LONRF3: variants seen among roughly 807,000 people sequenced by gnomAD.
LONRF3 encodes LON peptidase N-terminal domain and ring finger 3, also known as LON peptidase N-terminal domain and RING finger protein 3.
Under a neutral mutation model 51.7 loss-of-function variants are expected in LONRF3, and 19 were observed. The observed-to-expected ratio is 0.37, with a 90% CI of 0.26 to 0.54. The LOEUF (loss-of-function observed/expected upper bound fraction) is 0.54, where lower values mean the gene tolerates loss of function less well. Among genes scored for constraint, LONRF3 ranks in the 20% least tolerant of loss-of-function variants. The pLI is 0.86. For missense variants in LONRF3, 521 were observed against 623.9 expected (o/e 0.84, Z 1.76); for synonymous variants, 265 against 257.8 (o/e 1.03, Z -0.27).
intron 1 of LONRF3, among the ~76,000 whole-genome samples, 198 bp downstream of exon 1, chrX:118,975,795 G>A (rs1921989141): frequency 9.1e-6 from 1 of 109,987 alleles, no homozygotes; most frequent in Non-Finnish European, 1.9e-5. Flanking sequence ...GCTTATCTGT[G>A]TTTCACTGTG....
rs61733808 is a variant in LONRF3, at chrX:119,014,307, G to A, written c.2075G>A (p.Arg692Gln). Residue 692 changes from arginine (R) to glutamine (Q), a missense_variant, in exon 10 of 11, where the codon CGG becomes CAG. Physicochemically the swap from Arg to Gln is conservative, Grantham distance 43 (BLOSUM62 1). This residue lies in a region of LONRF3 where 145 missense variants were observed against 247.2 expected (regional missense o/e 0.59). Transcript: ENST00000371628. Reference sequence around the variant, plus strand: ...TCGCTCAAATTATCCCTAAAGAATCGGATACTCAATCACTTTGGTCCCATG... The same window carrying A: ...TCGCTCAAATTATCCCTAAAGAATCAGATACTCAATCACTTTGGTCCCATG... ...FHSLKLSLKN[R>Q]ILNHFGPMPE... 9 of 1,208,840 alleles carry A rather than the reference G, an allele frequency of 7.4e-6. No individual in the cohort carries two copies. The highest frequency in any genetic ancestry group is 2.3e-4 in the Middle Eastern group (1 of 4,374).
At chrX:119,007,979 C>A (rs1924847290) in intron 6 of LONRF3, among the ~76,000 whole-genome samples, 3 of 111,913 alleles carry the variant, frequency 2.7e-5, no homozygotes. Flanking sequence ...TTAGTATCAG[C>A]AGAGGAGTCA....
chrX:119,016,043 G>A (rs1925425934), intron 10 of LONRF3, among the ~76,000 whole-genome samples: 1 of 112,171 alleles, frequency 8.9e-6, no homozygotes, highest in South Asian at 3.7e-4. Context: ...AAAAAAGAAT[G>A]CAAATGAAGT....
At chrX:118,994,409 T>A (rs989060041) in intron 5 of LONRF3, among the ~76,000 whole-genome samples, 1 of 37,772 alleles carries the variant, frequency 2.6e-5, no homozygotes, top group East Asian at 4.4e-4. Flanking sequence ...ACAAAACAAA[T>A]TTTTTTTTTT....
chrX:119,003,862 CTGT>C (rs1465111290), intron 5 of LONRF3, among the ~76,000 whole-genome samples: 1 of 112,380 alleles, frequency 8.9e-6, no homozygotes, highest in East Asian at 2.8e-4. Flanking sequence ...TCTCCTACAA[CTGT>C]TGTTAGATTT....
intron 10 of LONRF3, among the ~76,000 whole-genome samples, chrX:119,017,109 G>C (rs1925515777): frequency 1.8e-5 from 2 of 111,648 alleles, no homozygotes; most frequent in Admixed American, 9.5e-5. Flanking sequence ...AGGCACCCAG[G>C]CTCCTTCATC....
chrX:118,977,823 A>AT (rs1922204440), intron 1 of LONRF3, among the ~76,000 whole-genome samples: 1 of 111,990 alleles, frequency 8.9e-6, no homozygotes, highest in South Asian at 3.7e-4. Flanking sequence ...ATGTAAATGT[A>AT]TTTCCATTTT....
chrX:118,976,265 G>T (rs1435981186), intron 1 of LONRF3: 1 of 113,850 alleles, frequency 8.8e-6, no homozygotes, highest in Non-Finnish European at 1.9e-5. Context: ...CCTCCCCCGC[G>T]CGAGCGGGCG....
chrX:118,990,637 C>A, intron 5 of LONRF3, 77 bp downstream of exon 5: 1 of 816,804 alleles, frequency 1.2e-6, no homozygotes, highest in Non-Finnish European at 1.8e-6. Context: ...TAGTGACCTA[C>A]TGCTGGGTTG....
intron 1 of LONRF3, among the ~76,000 whole-genome samples, chrX:118,977,779 T>C (rs1922199896): frequency 8.9e-6 from 1 of 112,575 alleles, no homozygotes; most frequent in Non-Finnish European, 1.9e-5. Context: ...CAAGTTCATT[T>C]ACATTTGGCC....
intron 3 of LONRF3, among the ~76,000 whole-genome samples, chrX:118,987,316 C>T (rs983074082): frequency 9.1e-6 from 1 of 110,234 alleles, no homozygotes; most frequent in East Asian, 2.8e-4. Context: ...CTCTTTCTAT[C>T]ACCCAGGCTG....
intron 5 of LONRF3, among the ~76,000 whole-genome samples, chrX:118,999,623 T>C (rs779613047): frequency 1.8e-5 from 2 of 112,049 alleles, no homozygotes; most frequent in African/African-American, 6.5e-5. Flanking sequence ...AGTTCTTTTG[T>C]TCCTCTGCTT....
chrX:118,979,782 G>C (rs1369376847), intron 2 of LONRF3, among the ~76,000 whole-genome samples: 2 of 111,278 alleles, frequency 1.8e-5, no homozygotes, highest in Non-Finnish European at 3.8e-5. Flanking sequence ...AATATAGTCA[G>C]TCAGCCTGCC....
At position 119,018,272 on chromosome X, in the gene LONRF3, A is replaced by T. The variant is rs1243395225; in HGVS notation, c.*582A>T. 9.1e-6 allele frequency: 1 copy of T among 110,097 alleles called. No individual in the cohort carries two copies. Among genetic ancestry groups the T allele is most frequent in the Non-Finnish European group, 1.9e-5 (1 of 52,957 alleles). 9.1% of individuals were successfully genotyped at this position (110,097 alleles called of 1,213,427 possible). A position where few individuals can be genotyped will look rare whatever the true frequency, so the allele number is the denominator to read the frequency against. On this transcript the variant is annotated 3_prime_UTR_variant, in exon 11 of 11. Coordinates refer to ENST00000371628, the MANE Select transcript of LONRF3 (RefSeq NM_001031855.3). ...GCTTTATTTATTGATGTGGTTTACC[A>T]TGTACCTAGGGGGAAATAACAATAC...
chrX:119,017,905 C>A lies in LONRF3; in HGVS notation c.*215C>A. On this transcript the variant is annotated 3_prime_UTR_variant, in exon 11 of 11. Transcript: ENST00000371628. The stretch of plus-strand genomic sequence containing the variant: ...TCTTAAGATGCTTCTTGACATGCTG[C>A]ATAACTACATAAACAGCAGAGGTGT... 3.2e-6 allele frequency: 1 copy of A among 310,542 alleles called. No homozygotes were observed. The highest frequency in any genetic ancestry group is 5.5e-6 in the Non-Finnish European group (1 of 180,937). The allele number at this position is 310,542 out of a possible 1,213,427, so 25.6% of individuals were successfully genotyped here. A position where few individuals can be genotyped will look rare whatever the true frequency, so the allele number is the denominator to read the frequency against.
At chrX:118,984,545 G>A (rs1028878163) in intron 3 of LONRF3, among the ~76,000 whole-genome samples, 9 of 112,108 alleles carry the variant, frequency 8.0e-5, no homozygotes, top group African/African-American at 2.6e-4. Flanking sequence ...TGTCTCTCCA[G>A]TCTGCTTTTA....
At chrX:119,003,856 C>T (rs12558411) in intron 5 of LONRF3, among the ~76,000 whole-genome samples, 41,110 of 111,316 alleles carry the variant, frequency 0.37, 5,569 homozygotes, top group Middle Eastern at 0.45. Context: ...TAGAGGTCTC[C>T]TACAACTGTT....
chrX:118,986,964 T>C, intron 3 of LONRF3: 1 of 1,154,361 alleles, frequency 8.7e-7, no homozygotes. Flanking sequence ...CCCGGGGGAT[T>C]CTCAGGAACA....
chrX:118,982,868 G>A lies in LONRF3; in HGVS notation c.984G>A (p.Glu328=), dbSNP rs781451067. The A allele has an allele frequency of 3.3e-6, 4 of 1,210,938 alleles. No homozygotes were observed. Among genetic ancestry groups the A allele is most frequent in the Non-Finnish European group, 4.5e-6 (4 of 894,629 alleles). ...AQALATLGKV[E]EALREFLYCV... ...CCTTAGCCACCCTAGGCAAGGTGGA[G>A]GAGGCACTAAGGGAGTTTCTCTACT... The change falls in exon 3 of 11, where the codon GAG becomes GAA. Residue 328 remains glutamate, a synonymous_variant. Coordinates refer to ENST00000371628, the MANE Select transcript of LONRF3 (RefSeq NM_001031855.3).
Sources: allele counts gnomAD v4.1 joint callset (sites outside exome capture counted in the v4.1 genomes callset), GRCh38; gene constraint gnomAD v4.1.1; regional missense constraint gnomAD v4.1.1; transcripts MANE v1.5; gene names NCBI Gene and HGNC (gene_info 2026-07-23, HGNC 2026-07-21).